Variants in ARHGAP42 observed in about 807,000 individuals in gnomAD.
The protein encoded by ARHGAP42 is rho GTPase-activating protein 42.
A neutral mutation model predicts 125.0 loss-of-function variants in ARHGAP42; 63 were observed. The ratio of observed to expected loss-of-function variants is 0.50; its 90% CI spans 0.41 to 0.62. The LOEUF is 0.62. Among genes scored for constraint, ARHGAP42 ranks in the 20% least tolerant of loss-of-function variants. ARHGAP42 has a pLI of 0.00. For missense variants in ARHGAP42, 766 were observed against 1,024.2 expected (o/e 0.75, Z 3.44); for synonymous variants, 339 against 351.0 (o/e 0.97, Z 0.38).
chr11:100,976,872 C>T lies in ARHGAP42; in HGVS notation c.2294C>T (p.Thr765Ile). 1.9e-6 allele frequency: 3 copies of T among 1,551,504 alleles called. No homozygotes were observed. Among genetic ancestry groups the T allele is most frequent in the Non-Finnish European group, 2.6e-6 (3 of 1,146,888 alleles). Residue 765 changes from threonine (T) to isoleucine (I), a missense_variant, in exon 21 of 24, where the codon ACA (threonine) becomes ATA (isoleucine). By Grantham distance (89) the Thr-to-Ile change is moderately conservative (BLOSUM62 -1). Around this residue, in one of 3 missense-constraint regions of ARHGAP42, gnomAD observed 308 missense variants for 369.7 expected, o/e 0.83. Coordinates refer to ENST00000298815, the MANE Select transcript of ARHGAP42 (RefSeq NM_152432.4). ...TTAACTTCTGTAGGTTCCAAGGAGA[C>T]ACCCAAAGCTTCACCAAACCCAGAC... ...QSLTSVGSKE[T>I]PKASPNPDLP...
At chr11:100,872,635 T>C (rs1277658905) in intron 4 of ARHGAP42, among the ~76,000 whole-genome samples, 1 of 152,066 alleles carries the variant, frequency 6.6e-6, no homozygotes, top group Non-Finnish European at 1.5e-5. Context: ...TCAGGTGATT[T>C]GTCCGCCTCA....
At chr11:100,919,296 C>T (rs1393156139) in intron 5 of ARHGAP42, among the ~76,000 whole-genome samples, 4 of 152,130 alleles carry the variant, frequency 2.6e-5, no homozygotes, top group Admixed American at 1.3e-4. Flanking sequence ...TTGCATAAAC[C>T]GTATTGTTTG....
chr11:100,887,881 A>G (rs759326650), intron 4 of ARHGAP42, among the ~76,000 whole-genome samples: 56 of 152,208 alleles, frequency 3.7e-4, no homozygotes, highest in Non-Finnish European at 5.7e-4. Context: ...CAATTCTCAC[A>G]GGCAGTGCTA....
rs1243194600 is a variant in ARHGAP42 at position 100,990,830 on chromosome 11, T to G, written c.*2029T>G. The stretch of plus-strand genomic sequence containing the variant: ...TCTCTTAAAAGCAAATTGGTTTTCT[T>G]TCAAAGACCAACTTGACTCCAAAGA... On this transcript the variant is annotated 3_prime_UTR_variant, in exon 24 of 24. Transcript: ENST00000298815. 6.6e-6 allele frequency: 1 copy of G among 152,486 alleles called. No individual in the cohort carries two copies. Among genetic ancestry groups the G allele is most frequent in the African/African-American group, 2.4e-5 (1 of 41,456 alleles). 9.4% of individuals were successfully genotyped at this position (152,486 alleles called of 1,614,324 possible).
At chr11:100,833,063 C>T (rs552329928) in intron 3 of ARHGAP42, among the ~76,000 whole-genome samples, 5 of 152,278 alleles carry the variant, frequency 3.3e-5, no homozygotes, top group Admixed American at 2.6e-4. Flanking sequence ...TTCATATTGC[C>T]ACATCCCAAG....
chr11:100,887,609 G>C (rs957870095), intron 4 of ARHGAP42, among the ~76,000 whole-genome samples: 3 of 152,200 alleles, frequency 2.0e-5, no homozygotes, highest in Non-Finnish European at 2.9e-5. Context: ...CTATCATGCA[G>C]TGTAACTGTG....
chr11:100,976,190 T>A lies in ARHGAP42; in HGVS notation c.1989T>A (p.Pro663=). 1 of 1,551,692 alleles carries A rather than the reference T, an allele frequency of 6.4e-7. No individual in the cohort carries two copies. Residue 663 remains proline, a synonymous_variant, in exon 20 of 24, where the codon CCT becomes CCA. Transcript: ENST00000298815. ...CQPREKSGGI[P]WIATPSSSNG... ...CCAGGGAGAAATCTGGAGGGATTCC[T>A]TGGATTGCAACCCCATCATCTTCCA...
At chr11:100,772,879 T>G (rs759044421) in intron 2 of ARHGAP42, among the ~76,000 whole-genome samples, 13 of 152,206 alleles carry the variant, frequency 8.5e-5, no homozygotes, top group Non-Finnish European at 1.3e-4. Flanking sequence ...CTCTGTCACC[T>G]AGGCTGGAGT....
intron 3 of ARHGAP42, among the ~76,000 whole-genome samples, chr11:100,824,848 A>G (rs1257160457): frequency 6.6e-6 from 1 of 152,228 alleles, no homozygotes; most frequent in African/African-American, 2.4e-5. Flanking sequence ...TTTTATAATC[A>G]TTCCTTACTG....
At chr11:100,876,125 G>A (rs1392348981) in intron 4 of ARHGAP42, among the ~76,000 whole-genome samples, 1 of 152,128 alleles carries the variant, frequency 6.6e-6, no homozygotes, top group African/African-American at 2.4e-5. Flanking sequence ...TTAATAACAT[G>A]TGTTTGATAA....
intron 21 of ARHGAP42, among the ~76,000 whole-genome samples, chr11:100,978,023 A>G (rs1227512354): frequency 2.0e-5 from 3 of 152,202 alleles, no homozygotes; most frequent in Non-Finnish European, 2.9e-5. Flanking sequence ...TTAGAAATCC[A>G]GTTACAGTGG....
chr11:100,919,386 A>G (rs552046192), intron 5 of ARHGAP42, among the ~76,000 whole-genome samples: 1 of 152,138 alleles, frequency 6.6e-6, no homozygotes, highest in Admixed American at 6.5e-5. Flanking sequence ...ATTCCCAGAC[A>G]CCAGCCAAGG....
intron 1 of ARHGAP42, among the ~76,000 whole-genome samples, chr11:100,751,799 T>G (rs934081024): frequency 7.4e-6 from 1 of 134,474 alleles, no homozygotes; most frequent in Non-Finnish European, 1.6e-5. Flanking sequence ...TTTTTTTTTT[T>G]GACGGAATCT....
At position 100,961,686 on chromosome 11, in the gene ARHGAP42, C is replaced by G. The variant is rs774534039; in HGVS notation, c.1303C>G (p.Pro435Ala). The change falls in exon 15 of 24, where the codon CCT becomes GCT. Residue 435 changes from proline (P) to alanine (A), a missense_variant and splice_region_variant. Around this residue, in one of 3 missense-constraint regions of ARHGAP42, gnomAD observed 455 missense variants for 636.5 expected, o/e 0.71. Transcript: ENST00000298815. ...ACACCTTGTTTTATTCTTTCCAGCT[C>G]CTAAATCCCCTCCTGATATTGATAT... Reference protein sequence around the residue: ...VQKLMNTTFSPKSPPDIDIDI... With the variant: ...VQKLMNTTFSAKSPPDIDIDI... 2 of 1,551,040 alleles carry G rather than the reference C, an allele frequency of 1.3e-6. No individual in the cohort carries two copies. Among genetic ancestry groups the G allele is most frequent in the Non-Finnish European group, 1.7e-6 (2 of 1,146,652 alleles).
intron 1 of ARHGAP42, among the ~76,000 whole-genome samples, chr11:100,755,616 G>A (rs902253646): frequency 1.3e-5 from 2 of 152,152 alleles, no homozygotes; most frequent in Non-Finnish European, 2.9e-5. Context: ...GCCATTGTCA[G>A]CTCATTGTCT....
chr11:100,797,610 A>G (rs1370291182), intron 3 of ARHGAP42, among the ~76,000 whole-genome samples: 1 of 152,148 alleles, frequency 6.6e-6, no homozygotes, highest in Non-Finnish European at 1.5e-5. Flanking sequence ...CAGGAAAAAA[A>G]AAAAAAGATA....
At chr11:100,770,214 T>G in intron 1 of ARHGAP42, 129 bp from the exon 2 acceptor site, 1 of 643,360 alleles carries the variant, frequency 1.6e-6, no homozygotes, top group Admixed American at 3.3e-5. Context: ...GTTAAATTAG[T>G]CAAACTGGTA....
rs1858874418 is a variant in ARHGAP42, at chr11:100,992,780, A to G, written c.*3979A>G. Reference sequence around the variant, plus strand: ...CTGCCCTCACTGTTTTAAATAAAGAATCTTACATAAGAATGTTGACAACAT... The same window carrying G: ...CTGCCCTCACTGTTTTAAATAAAGAGTCTTACATAAGAATGTTGACAACAT... On this transcript the variant is annotated 3_prime_UTR_variant, in exon 24 of 24. Coordinates refer to ENST00000298815, the MANE Select transcript of ARHGAP42 (RefSeq NM_152432.4). 3.5e-6 allele frequency: 5 copies of G among 1,438,430 alleles called. No individual in the cohort carries two copies. The highest frequency in any genetic ancestry group is 1.4e-5 in the African/African-American group (1 of 69,928). The allele number at this position is 1,438,430 out of a possible 1,614,324, so 89.1% of individuals were successfully genotyped here. A position where few individuals can be genotyped will look rare whatever the true frequency, so the allele number is the denominator to read the frequency against.
At chr11:100,818,694 A>C (rs1327115722) in intron 3 of ARHGAP42, among the ~76,000 whole-genome samples, 1 of 152,206 alleles carries the variant, frequency 6.6e-6, no homozygotes, top group Non-Finnish European at 1.5e-5. Flanking sequence ...TAAACAGGGC[A>C]GTGAAAGGCA....
Sources: allele counts gnomAD v4.1 joint callset (sites outside exome capture counted in the v4.1 genomes callset), GRCh38; gene constraint gnomAD v4.1.1; regional missense constraint gnomAD v4.1.1; transcripts MANE v1.5; gene names NCBI Gene and HGNC (gene_info 2026-07-23, HGNC 2026-07-21).